PCDH15: variants seen among roughly 807,000 people sequenced by gnomAD.
PCDH15 encodes the protein protocadherin-15.
A neutral mutation model predicts 178.5 loss-of-function variants in PCDH15; 129 were observed. The observed-to-expected ratio is 0.72, with a 90% CI of 0.63 to 0.84. The LOEUF (loss-of-function observed/expected upper bound fraction) is 0.84. Ranked by LOEUF, PCDH15 falls within the 40% of genes least tolerant of loss-of-function variation. The pLI, the probability that PCDH15 is intolerant of heterozygous loss-of-function variation, is 0.00. For missense variants in PCDH15, 2,230 were observed against 2,099.9 expected, an observed-to-expected ratio of 1.06 and a Z score of -1.21; for synonymous variants, 800 against 732.0, an observed-to-expected ratio of 1.09 and a Z score of -1.50.
At chr10:54,202,248 G>A (rs2050308485) in intron 10 of PCDH15, among the ~76,000 whole-genome samples, 1 of 151,618 alleles carries the variant, frequency 6.6e-6, no homozygotes, top group South Asian at 2.1e-4. Flanking sequence ...TTTACTTACT[G>A]AACTATAGCT....
intron 20 of PCDH15, among the ~76,000 whole-genome samples, chr10:54,005,987 T>G (rs954407755): frequency 3.9e-5 from 6 of 152,004 alleles, no homozygotes; most frequent in African/African-American, 1.2e-4. Context: ...TAAAGAAGAA[T>G]GAGATCCTAT....
At chr10:55,084,620 A>G (rs74766743) in intron 2 of PCDH15, among the ~76,000 whole-genome samples, 6,166 of 151,904 alleles carry the variant, frequency 0.041, 302 homozygotes, top group East Asian at 0.14. Flanking sequence ...AAGTAAACAT[A>G]AGCAAAATGA....
At chr10:54,958,515 A>G (rs1323359193) in intron 2 of PCDH15, among the ~76,000 whole-genome samples, 1 of 151,928 alleles carries the variant, frequency 6.6e-6, no homozygotes, top group East Asian at 1.9e-4. Flanking sequence ...TAATTAAAAG[A>G]GCATTTTCAG....
chr10:54,530,373 C>T (rs1020172688), intron 2 of PCDH15, among the ~76,000 whole-genome samples: 1 of 152,130 alleles, frequency 6.6e-6, no homozygotes, highest in African/African-American at 2.4e-5. Context: ...AGTCCTTATT[C>T]TCTGTATTCC....
chr10:54,690,375 C>T (rs373282423), intron 1 of PCDH15, among the ~76,000 whole-genome samples: 86 of 140,830 alleles, frequency 6.1e-4, no homozygotes, highest in African/African-American at 2.1e-3. Context: ...AGTGCAGTGG[C>T]ACCATCTCGG....
intron 2 of PCDH15, among the ~76,000 whole-genome samples, chr10:54,637,602 G>T (rs1212503317): frequency 6.6e-6 from 1 of 151,966 alleles, no homozygotes; most frequent in African/African-American, 2.4e-5. Flanking sequence ...TCATTTTCAA[G>T]GACTCTAATT....
intron 2 of PCDH15, among the ~76,000 whole-genome samples, chr10:54,659,288 A>T (rs769584141): frequency 3.3e-5 from 5 of 152,326 alleles, no homozygotes; most frequent in Middle Eastern, 3.4e-3. Context: ...GATGTAATAG[A>T]CATCTACAGA....
At chr10:54,348,292 A>G (rs1022153611) in intron 5 of PCDH15, among the ~76,000 whole-genome samples, 2 of 152,230 alleles carry the variant, frequency 1.3e-5, no homozygotes, top group African/African-American at 4.8e-5. Flanking sequence ...AAGGAAGTTC[A>G]GGATTTATAA....
At chr10:55,263,122 C>T (rs1564945430) in intron 1 of PCDH15, among the ~76,000 whole-genome samples, 1 of 152,098 alleles carries the variant, frequency 6.6e-6, no homozygotes, top group African/African-American at 2.4e-5. Context: ...AAATGTGAAA[C>T]TATAGAATCA....
intron 1 of PCDH15, among the ~76,000 whole-genome samples, chr10:55,212,355 C>T (rs1179946192): frequency 6.6e-6 from 1 of 152,006 alleles, no homozygotes; most frequent in African/African-American, 2.4e-5. Context: ...ATCCAGTAAC[C>T]CATTTCTCCA....
chr10:55,594,967 G>C (rs1201955615), intron 2 of PCDH15, among the ~76,000 whole-genome samples: 1 of 151,998 alleles, frequency 6.6e-6, no homozygotes, highest in Non-Finnish European at 1.5e-5. Flanking sequence ...TTCTAGATCT[G>C]TTGGGAACTG....
chr10:54,008,616 ACTGT>A (rs1210133187), intron 20 of PCDH15, among the ~76,000 whole-genome samples: 2 of 152,136 alleles, frequency 1.3e-5, no homozygotes, highest in Admixed American at 1.3e-4. Flanking sequence ...GTTTACCATA[ACTGT>A]CTGTCATCAA....
At chr10:54,696,959 C>T (rs538074887) in intron 1 of PCDH15, among the ~76,000 whole-genome samples, 1 of 152,102 alleles carries the variant, frequency 6.6e-6, no homozygotes, top group Admixed American at 6.6e-5. Context: ...ATTTACGTTT[C>T]TTTTAGAGAT....
At chr10:54,366,165 A>C (rs754647956) in intron 5 of PCDH15, among the ~76,000 whole-genome samples, 1 of 152,064 alleles carries the variant, frequency 6.6e-6, no homozygotes, top group Non-Finnish European at 1.5e-5. Context: ...CAGTTTTCTC[A>C]TGGTGAATAA....
rs34113387 is a variant in PCDH15 at position 55,303,086 on chromosome 10, G to GAT, written c.-156+16511_-156+16512dup. Among the ~76,000 whole-genome samples, 1,207 of 149,494 alleles carry GAT rather than the reference G, an allele frequency of 8.1e-3. 12 individuals carry two copies. Among genetic ancestry groups the GAT allele is most frequent in the African/African-American group, 0.018 (740 of 40,784 alleles). On this transcript the variant is annotated intron_variant, in intron 1 of 5. Transcript: ENST00000458638. Reference sequence around the variant, plus strand: ...AAGATAAGAAAACAAAGATATTTGAGATATATATATATATATATACACACA... The same window carrying GAT: ...AAGATAAGAAAACAAAGATATTTGAGATATATATATATATATATATACACACA...
At chr10:54,372,360 G>C (rs1389820749) in intron 4 of PCDH15, among the ~76,000 whole-genome samples, 2 of 151,718 alleles carry the variant, frequency 1.3e-5, no homozygotes, top group Non-Finnish European at 2.9e-5. Context: ...ATCTAACCAG[G>C]TCACCTGGAA....
intron 9 of PCDH15, among the ~76,000 whole-genome samples, chr10:54,215,763 C>T (rs918869192): frequency 4.6e-5 from 7 of 151,992 alleles, no homozygotes; most frequent in Admixed American, 1.3e-4. Flanking sequence ...TCGAGACGGC[C>T]GGGCGCGGTG....
chr10:54,774,130 A>G (rs894068625), intron 1 of PCDH15, among the ~76,000 whole-genome samples: 2 of 143,904 alleles, frequency 1.4e-5, no homozygotes, highest in Non-Finnish European at 1.5e-5. Context: ...CTGGGTTCAC[A>G]CCACTCTCCT....
intron 8 of PCDH15, among the ~76,000 whole-genome samples, chr10:54,304,276 T>C (rs2060329295): frequency 6.6e-6 from 1 of 152,244 alleles, no homozygotes; most frequent in South Asian, 2.1e-4. Context: ...TACTATAAAT[T>C]GTATTCGCCT....
Sources: gnomAD v4.1 joint callset for allele counts (sites outside exome capture counted in the v4.1 genomes callset) on GRCh38, gnomAD v4.1.1 for gene constraint, MANE v1.5 for transcripts, NCBI Gene and HGNC (gene_info 2026-07-23, HGNC 2026-07-21) for gene names.